JADE3: variants seen among roughly 807,000 people sequenced by gnomAD.
The protein encoded by JADE3 is jade family PHD finger 3, also known as protein Jade-3.
A neutral mutation model predicts 50.1 loss-of-function variants in JADE3; 2 were observed. That is an observed-to-expected ratio of 0.04 (90% CI 0.02 to 0.13). The LOEUF is 0.13. Among genes scored for constraint, JADE3 ranks in the 10% least tolerant of loss-of-function variants. The pLI is 1.00. For missense variants in JADE3, 475 were observed against 634.4 expected (o/e 0.75, Z 2.70); for synonymous variants, 218 against 232.9 (o/e 0.94, Z 0.58).
chrX:47,004,843 A>C (rs559590829), intron 4 of JADE3, among the ~76,000 whole-genome samples: 3 of 112,375 alleles, frequency 2.7e-5, no homozygotes, highest in Admixed American at 1.9e-4. Flanking sequence ...AAGTTGTTGA[A>C]TTTACATGTA....
At chrX:46,972,684 C>T in intron 1 of JADE3, among the ~76,000 whole-genome samples, 1 of 111,805 alleles carries the variant, frequency 8.9e-6, no homozygotes, top group African/African-American at 3.3e-5. Context: ...ACTGCAATCT[C>T]CGCCTCCCAG....
intron 1 of JADE3, among the ~76,000 whole-genome samples, chrX:46,927,860 A>G (rs1446784439): frequency 2.7e-5 from 3 of 112,031 alleles, no homozygotes; most frequent in Admixed American, 1.9e-4. Context: ...AAGGGCAGAG[A>G]GGATATGTTT....
In JADE3 at chrX:46,970,950, G is replaced by T. The variant is rs1319255346; in HGVS notation, c.-11-13934G>T. Reference sequence around the variant, plus strand: ...TCGTTTGAGTTTCTATCTGGAGAAAGAATTGTGTATTTCATAGTAAAAGCA... The same window carrying T: ...TCGTTTGAGTTTCTATCTGGAGAAATAATTGTGTATTTCATAGTAAAAGCA... On this transcript the variant is annotated intron_variant, in intron 1 of 10. Transcript: ENST00000614628. Among the ~76,000 whole-genome samples, 3 of 110,542 alleles carry T rather than the reference G, an allele frequency of 2.7e-5. No homozygotes were observed. The Admixed American group carries it at 2.9e-4, about 11-fold the overall frequency.
intron 1 of JADE3, among the ~76,000 whole-genome samples, chrX:46,923,591 T>C (rs1422944656): frequency 9.4e-6 from 1 of 106,073 alleles, no homozygotes; most frequent in Non-Finnish European, 1.9e-5. Context: ...TTTAAATTTT[T>C]TTTTGTAGGG....
intron 1 of JADE3, among the ~76,000 whole-genome samples, chrX:46,946,628 T>C (rs1048647055): frequency 3.6e-5 from 4 of 112,152 alleles, no homozygotes; most frequent in African/African-American, 1.3e-4. Flanking sequence ...TGATATATAG[T>C]GAAGATTCAA....
At chrX:47,001,623 A>G (rs1928290474) in intron 4 of JADE3, among the ~76,000 whole-genome samples, 1 of 111,710 alleles carries the variant, frequency 9.0e-6, no homozygotes. Context: ...CATGGGTCAA[A>G]CTATGTCTTG....
chrX:47,026,932 A>G (rs1556365646), intron 5 of JADE3, among the ~76,000 whole-genome samples: 1 of 110,399 alleles, frequency 9.1e-6, no homozygotes, highest in Non-Finnish European at 1.9e-5. Flanking sequence ...CTTTACTCCA[A>G]AAAAAAAATG....
At chrX:46,988,760 G>A (rs1180679799) in intron 3 of JADE3, among the ~76,000 whole-genome samples, 2 of 112,687 alleles carry the variant, frequency 1.8e-5, no homozygotes, top group Non-Finnish European at 3.8e-5. Flanking sequence ...CAGCCTTTGA[G>A]GAATCAGATG....
rs1056199207 is a variant in JADE3, at chrX:46,992,170, G to A, written c.127-5950G>A. ...CCAGCAGTAATGAAACTACACCATT[G>A]TCCTGACTTGATACCCTTCCCCTGC... On this transcript the variant is annotated intron_variant, in intron 3 of 10. Coordinates refer to ENST00000614628, the MANE Select transcript of JADE3 (RefSeq NM_014735.5). 2.7e-5 allele frequency among the ~76,000 whole-genome samples: 3 copies of A among 111,012 alleles called. No individual in the cohort carries two copies. The Admixed American group carries it at 2.9e-4, about 11-fold the overall frequency.
intron 1 of JADE3, among the ~76,000 whole-genome samples, chrX:46,945,684 T>C (rs1926872090): frequency 1.8e-5 from 2 of 111,820 alleles, no homozygotes; most frequent in Non-Finnish European, 3.8e-5. Context: ...AGCCTCTCAC[T>C]AGGATTCTGA....
chrX:46,956,076 T>A (rs1556346229), intron 1 of JADE3, among the ~76,000 whole-genome samples: 3 of 111,793 alleles, frequency 2.7e-5, no homozygotes, highest in African/African-American at 9.8e-5. Context: ...TTTGTTTTGT[T>A]TTGTTTGAGA....
At position 47,056,290 on chromosome X, in the gene JADE3, T is replaced by C. The variant is rs1556373413; in HGVS notation, c.1561+91T>C. On this transcript the variant is annotated intron_variant, in intron 10 of 10. Transcript: ENST00000614628. ...TTAAATTTCATGCCAGTCATTCCACTTAAAAATCTTTTAAAATTCTTGTCA... is the reference window on the plus strand; with the variant it reads ...TTAAATTTCATGCCAGTCATTCCACCTAAAAATCTTTTAAAATTCTTGTCA... 4 of 495,111 alleles carry C rather than the reference T, an allele frequency of 8.1e-6. No homozygotes were observed. In the East Asian group the frequency reaches 1.1e-4, roughly 13 times the overall value. The allele number at this position is 495,111 out of a possible 1,213,427, so 40.8% of individuals were successfully genotyped here.
chrX:46,988,730 C>T (rs1431188597), intron 3 of JADE3, among the ~76,000 whole-genome samples: 1 of 112,635 alleles, frequency 8.9e-6, no homozygotes, highest in East Asian at 2.8e-4. Flanking sequence ...GCACACACTA[C>T]TCACAGGTGA....
intron 8 of JADE3, among the ~76,000 whole-genome samples, chrX:47,042,179 A>T (rs371152925): frequency 1.8e-5 from 2 of 109,943 alleles, no homozygotes; most frequent in East Asian, 5.8e-4. Context: ...TTTTGTAGAG[A>T]TAGGGTCTTG....
chrX:46,953,211 G>GC (rs1276645022), intron 1 of JADE3, among the ~76,000 whole-genome samples: 1 of 43,692 alleles, frequency 2.3e-5, no homozygotes, highest in African/African-American at 8.2e-5. Context: ...CCCCCCCACC[G>GC]CCCCCCACCG....
chrX:46,970,737 A>AT (rs1278145494), intron 1 of JADE3, among the ~76,000 whole-genome samples: 1 of 111,825 alleles, frequency 8.9e-6, no homozygotes, highest in African/African-American at 3.3e-5. Context: ...CATGCCTCAC[A>AT]TATAAGGCAT....
chrX:46,992,550 C>T (rs1928043063), intron 3 of JADE3, among the ~76,000 whole-genome samples: 1 of 111,588 alleles, frequency 9.0e-6, no homozygotes, highest in Admixed American at 9.5e-5. Flanking sequence ...GGTATTTGTG[C>T]TGTGATTCAC....
chrX:46,997,480 C>T (rs782792733), intron 3 of JADE3, among the ~76,000 whole-genome samples: 1 of 111,683 alleles, frequency 9.0e-6, no homozygotes, highest in Non-Finnish European at 1.9e-5. Context: ...GTCACGCTAT[C>T]GCACTCCAGC....
At chrX:46,979,469 CTG>C (rs1214015130) in intron 1 of JADE3, among the ~76,000 whole-genome samples, 1 of 111,498 alleles carries the variant, frequency 9.0e-6, no homozygotes, top group Non-Finnish European at 1.9e-5. Flanking sequence ...GAGAATAAAA[CTG>C]TTTTTTCTAT....
Sources: gnomAD v4.1 joint callset for allele counts (sites outside exome capture counted in the v4.1 genomes callset) on GRCh38, gnomAD v4.1.1 for gene constraint, MANE v1.5 for transcripts, NCBI Gene and HGNC (gene_info 2026-07-23, HGNC 2026-07-21) for gene names.